MYPN: variants seen among roughly 807,000 people sequenced by gnomAD.
The protein encoded by MYPN is sarcomeric protein myopalladin, 145 kDa (MYOP).
MYPN carries 63 observed loss-of-function variants against 129.4 expected under a neutral mutation model. The ratio of observed to expected loss-of-function variants is 0.49; its 90% CI spans 0.40 to 0.60. The LOEUF is 0.60. Among genes scored for constraint, MYPN ranks in the 20% least tolerant of loss-of-function variants. The pLI, the probability that MYPN is intolerant of heterozygous loss-of-function variation, is 0.00. For synonymous variants in MYPN, 629 were observed against 600.9 expected (o/e 1.05, Z -0.68); for missense variants, 1,596 against 1,635.4 (o/e 0.98, Z 0.42).
intron 2 of MYPN, among the ~76,000 whole-genome samples, chr10:68,131,601 A>G (rs2134026256): frequency 6.6e-6 from 1 of 152,064 alleles, no homozygotes; most frequent in African/African-American, 2.4e-5. Context: ...GTAATCTTGA[A>G]CTCCCAGGTT....
In MYPN at chr10:68,160,925, A is replaced by G. The variant is rs143620689; in HGVS notation, c.1460-804A>G. 6.6e-5 allele frequency among the ~76,000 whole-genome samples: 10 copies of G among 152,298 alleles called. No homozygotes were observed. The East Asian group carries it at 1.9e-3, about 29-fold the overall frequency. ...GAGTGAGACTTCGTCTCAAAAAGAAAAAACCTACTCTTGAAAAAACTATGA... is the reference window on the plus strand; with the variant it reads ...GAGTGAGACTTCGTCTCAAAAAGAAGAAACCTACTCTTGAAAAAACTATGA... On this transcript the variant is annotated intron_variant, in intron 7 of 19. Transcript: ENST00000358913.
At chr10:68,162,174 A>AAAC (rs2042988406) in intron 8 of MYPN, 2 of 146,676 alleles carry the variant, frequency 1.4e-5, no homozygotes, top group African/African-American at 4.9e-5. Flanking sequence ...CTCAAAAAAA[A>AAAC]AAAAAAAAAA....
intron 18 of MYPN, among the ~76,000 whole-genome samples, chr10:68,202,843 ATGTGTGTGTAT>A: frequency 6.6e-6 from 1 of 151,334 alleles, no homozygotes; most frequent in East Asian, 1.9e-4. Flanking sequence ...CATCTAAAAT[ATGTGTGTGTAT>A]TGTGTGTGTT....
intron 12 of MYPN, among the ~76,000 whole-genome samples, chr10:68,177,459 A>G (rs2134211791): frequency 6.6e-6 from 1 of 152,326 alleles, no homozygotes; most frequent in Admixed American, 6.5e-5. Flanking sequence ...GGAAACTGGG[A>G]GCTGTCTGAG....
At chr10:68,128,468 T>G (rs1334545493) in intron 2 of MYPN, among the ~76,000 whole-genome samples, 1 of 152,242 alleles carries the variant, frequency 6.6e-6, no homozygotes, top group African/African-American at 2.4e-5. Context: ...AGGCTTTTTC[T>G]TTCTACTTTT....
chr10:68,150,540 C>A, intron 6 of MYPN, among the ~76,000 whole-genome samples: 1 of 147,574 alleles, frequency 6.8e-6, no homozygotes, highest in African/African-American at 2.5e-5. Context: ...GGACAAAGAG[C>A]TTTCTTTTTC....
chr10:68,108,953 T>C (rs527777486), upstream of MYPN, among the ~76,000 whole-genome samples: 8 of 152,258 alleles, frequency 5.3e-5, no homozygotes, highest in South Asian at 1.7e-3. Context: ...ACTCCTGACC[T>C]CAGGTGATCT....
chr10:68,193,452 ATC>A (rs2043548773), intron 13 of MYPN, among the ~76,000 whole-genome samples: 1 of 152,212 alleles, frequency 6.6e-6, no homozygotes, highest in Non-Finnish European at 1.5e-5. Flanking sequence ...TCTGCTTAAT[ATC>A]TATTTAATAT....
intron 6 of MYPN, among the ~76,000 whole-genome samples, chr10:68,155,716 A>T (rs1218565023): frequency 1.3e-5 from 2 of 152,180 alleles, no homozygotes; most frequent in South Asian, 2.1e-4. Context: ...GCTCTTTCTC[A>T]CGAAACTTTG....
intron 1 of MYPN, among the ~76,000 whole-genome samples, chr10:68,093,625 C>T (rs1045971870): frequency 1.3e-4 from 19 of 148,814 alleles, no homozygotes; most frequent in African/African-American, 3.5e-4. Flanking sequence ...GGTGTGGTGG[C>T]GGGTGCCTGT....
At chr10:68,163,586 G>A (rs1451803451) in intron 8 of MYPN, among the ~76,000 whole-genome samples, 2 of 152,054 alleles carry the variant, frequency 1.3e-5, no homozygotes, top group East Asian at 1.9e-4. Flanking sequence ...CCAAGATCAC[G>A]CCACTGCACT....
intron 2 of MYPN, among the ~76,000 whole-genome samples, chr10:68,130,254 G>A (rs1459340276): frequency 6.6e-6 from 1 of 152,202 alleles, no homozygotes; most frequent in Non-Finnish European, 1.5e-5. Context: ...GAGGTCAGGA[G>A]TTCGAGACTA....
chr10:68,151,645 A>G (rs2042773333), intron 6 of MYPN, among the ~76,000 whole-genome samples: 3 of 152,180 alleles, frequency 2.0e-5, no homozygotes, highest in Admixed American at 2.0e-4. Context: ...GTCACACCTT[A>G]GAGACAGTGC....
intron 2 of MYPN, among the ~76,000 whole-genome samples, chr10:68,123,365 C>T (rs542622168): frequency 1.3e-4 from 19 of 150,212 alleles, no homozygotes; most frequent in African/African-American, 4.2e-4. Flanking sequence ...GGCTACAGAG[C>T]GGAGGCTCCA....
chr10:68,193,256 A>C (rs1172158726), intron 13 of MYPN, among the ~76,000 whole-genome samples: 1 of 152,136 alleles, frequency 6.6e-6, no homozygotes, highest in African/African-American at 2.4e-5. Context: ...CAAAGCCCAG[A>C]TAATTTCACT....
At chr10:68,202,627 A>C (rs559278801) in intron 18 of MYPN, among the ~76,000 whole-genome samples, 2 of 152,196 alleles carry the variant, frequency 1.3e-5, no homozygotes, top group Non-Finnish European at 2.9e-5. Flanking sequence ...TTAAGGATCC[A>C]GTTTCTTAAA....
chr10:68,127,357 C>T (rs1430346460), intron 2 of MYPN, among the ~76,000 whole-genome samples: 17 of 102,760 alleles, frequency 1.7e-4, no homozygotes, highest in Non-Finnish European at 2.8e-4. Context: ...GATGAAGTCT[C>T]GCTCTGTCAC....
intron 2 of MYPN, among the ~76,000 whole-genome samples, chr10:68,140,890 T>C (rs1379606976): frequency 6.6e-6 from 1 of 151,880 alleles, no homozygotes; most frequent in African/African-American, 2.4e-5. Context: ...CTGGGAAACA[T>C]AGCAAAACAC....
chr10:68,166,404 G>C lies in MYPN; in HGVS notation c.1711G>C (p.Glu571Gln). The C allele has an allele frequency of 6.2e-7, 1 of 1,614,044 alleles. No individual in the cohort carries two copies. Among genetic ancestry groups the C allele is most frequent in the Non-Finnish European group, 8.5e-7 (1 of 1,180,022 alleles). ...SPPHSEPPSV[E>Q]QPPKPKLEGV... The stretch of plus-strand genomic sequence containing the variant: ...ACCCCACTCAGAGCCTCCATCTGTG[G>C]AACAACCCCCCAAACCCAAACTCGA... The change falls in exon 10 of 20, where the codon GAA becomes CAA. Residue 571 changes from glutamate to glutamine, a missense_variant. Glu to Gln is a conservative substitution (Grantham distance 29). Transcript: ENST00000358913.
Sources: gnomAD v4.1 joint callset for allele counts (sites outside exome capture counted in the v4.1 genomes callset) on GRCh38, gnomAD v4.1.1 for gene constraint, MANE v1.5 for transcripts, NCBI Gene and HGNC (gene_info 2026-07-23, HGNC 2026-07-21) for gene names.